Variants in GPHN observed in about 807,000 individuals in gnomAD.
GPHN encodes the protein gephyrin.
Under a neutral mutation model 95.5 loss-of-function variants are expected in GPHN, and 17 were observed. The observed-to-expected ratio is 0.18, with a 90% CI of 0.12 to 0.27. The LOEUF (loss-of-function observed/expected upper bound fraction) is 0.27. GPHN is among the 10% of genes least tolerant of loss of function. The probability of loss-of-function intolerance (pLI) is 1.00; values close to 1 mark genes in which losing one functional copy is unlikely to be tolerated. For synonymous variants in GPHN, 320 were observed against 322.5 expected (o/e 0.99, Z 0.08); for missense variants, 660 against 978.1 (o/e 0.67, Z 4.34).
chr14:67,058,575 G>A, intron 10 of GPHN, 74 bp from the exon 11 acceptor site: 1 of 1,284,352 alleles, frequency 7.8e-7, no homozygotes, highest in Non-Finnish European at 1.1e-6. Flanking sequence ...TGGGAGTTGT[G>A]ATATTATAAG....
At chr14:67,199,933 C>G in the GPHN span, 10 of 1,441,474 alleles carry the variant, frequency 6.9e-6, no homozygotes, top group Non-Finnish European at 9.3e-6. Context: ...TGGACACTCC[C>G]AAGCTCACCC....
intron 1 of GPHN, among the ~76,000 whole-genome samples, chr14:66,671,077 A>C (rs1201451960): frequency 6.6e-6 from 1 of 152,224 alleles, no homozygotes; most frequent in Non-Finnish European, 1.5e-5. Flanking sequence ...TTAGTTGCAC[A>C]TGTTCATCTG....
intron 10 of GPHN, among the ~76,000 whole-genome samples, chr14:67,037,289 T>A (rs1411786212): frequency 6.6e-6 from 1 of 151,856 alleles, no homozygotes; most frequent in Admixed American, 6.6e-5. Context: ...TACCTCAAAA[T>A]GGATTAAAGA....
At chr14:67,473,533 T>C in the GPHN span, 12 of 1,613,858 alleles carry the variant, frequency 7.4e-6, no homozygotes, top group Admixed American at 3.3e-5. The surrounding 1 kb of genome is among the most constrained non-coding windows in gnomAD (Gnocchi z 6.5). Context: ...AACTGCTCCA[T>C]GATGAGGGCC....
chr14:66,774,256 G>C (rs535243825), intron 2 of GPHN, among the ~76,000 whole-genome samples: 8 of 151,226 alleles, frequency 5.3e-5, no homozygotes, highest in Admixed American at 2.6e-4. Flanking sequence ...CCCGCCTCGG[G>C]CTCCCAAAGT....
chr14:67,280,833 TTCC>T, the GPHN span, among the ~76,000 whole-genome samples: 1 of 133,698 alleles, frequency 7.5e-6, no homozygotes, highest in Admixed American at 7.8e-5. Context: ...CCTTCCTTCC[TTCC>T]TTCCTTCCTT....
the GPHN span, among the ~76,000 whole-genome samples, chr14:67,637,165 T>C: frequency 6.6e-6 from 1 of 151,902 alleles, no homozygotes; most frequent in Non-Finnish European, 1.5e-5. Context: ...ATCCTAGCGC[T>C]TTGGGAGGCT....
Position 66,907,146 on chromosome 14 carries a change from A to G in GPHN, c.390-8857A>G, listed in dbSNP as rs79861068. On this transcript the variant is annotated intron_variant, in intron 5 of 22. Transcript: ENST00000478722. ...ACATGCAAATGTTTTTAACAGCCTT[A>G]TTCGTAATTGCCAAAAGTTGGAATC... Among the ~76,000 whole-genome samples, 104 of 152,288 alleles carry G rather than the reference A, an allele frequency of 6.8e-4. 1 individual carries two copies. In the East Asian group the frequency reaches 0.02, roughly 29 times the overall value.
intron 1 of GPHN, among the ~76,000 whole-genome samples, chr14:66,642,729 G>T (rs1208783280): frequency 1.3e-5 from 2 of 151,962 alleles, no homozygotes; most frequent in Non-Finnish European, 2.9e-5. Flanking sequence ...CTGCATATAT[G>T]CTTCTACCTG....
At chr14:66,996,107 C>A in intron 9 of GPHN, 1 of 1,049,692 alleles carries the variant, frequency 9.5e-7, no homozygotes, top group South Asian at 1.3e-5. Flanking sequence ...GCCATCTAAA[C>A]CCTCTGTGAC....
Position 66,630,315 on chromosome 14 carries a change from G to T in GPHN, c.65-50792G>T, listed in dbSNP as rs886485148. Among the ~76,000 whole-genome samples the T allele has an allele frequency of 2.6e-5, 4 of 152,124 alleles. No homozygotes were observed. The South Asian group carries it at 8.3e-4, about 32-fold the overall frequency. On this transcript the variant is annotated intron_variant, in intron 1 of 22. Coordinates refer to ENST00000478722, the MANE Select transcript of GPHN (RefSeq NM_020806.5). ...GAAAGGCAGGTAATGTTGTTGAGAT[G>T]TGTGGGGTCAGATCTATCCTGAAAT...
chr14:66,519,359 T>C (rs1212830191), intron 1 of GPHN, among the ~76,000 whole-genome samples: 1 of 152,066 alleles, frequency 6.6e-6, no homozygotes, highest in Non-Finnish European at 1.5e-5. Context: ...TTGATATATT[T>C]GAATATGTGT....
chr14:67,349,118 G>C, the GPHN span: 1 of 1,612,680 alleles, frequency 6.2e-7, no homozygotes, highest in African/African-American at 1.3e-5. Context: ...CAGAAAAAGA[G>C]AAAGACTTTA....
chr14:67,524,876 C>A, the GPHN span, among the ~76,000 whole-genome samples: 1 of 152,282 alleles, frequency 6.6e-6, no homozygotes, highest in Admixed American at 6.5e-5. Context: ...ATTGCCATAT[C>A]TCTCCCCGGT....
At chr14:67,615,617 G>C in the GPHN span, 2 of 553,384 alleles carry the variant, frequency 3.6e-6, no homozygotes, top group East Asian at 8.4e-5. Context: ...TCTAAGAAGT[G>C]CTTAGTGAGG....
the GPHN span, among the ~76,000 whole-genome samples, chr14:67,443,534 A>G: frequency 6.6e-6 from 1 of 152,094 alleles, no homozygotes; most frequent in Admixed American, 6.5e-5. Context: ...GGAGGGATGC[A>G]TTCCAAAGTA....
rs113893645 is a variant in GPHN, at chr14:66,761,139, T to G, written c.144-15325T>G. 3,293 of 341,582 alleles carry G rather than the reference T, an allele frequency of 9.6e-3. 94 individuals are homozygous for G. Among genetic ancestry groups the G allele is most frequent in the African/African-American group, 0.065 (3,050 of 46,684 alleles). 21.2% of individuals were successfully genotyped at this position (341,582 alleles called of 1,614,324 possible). On this transcript the variant is annotated intron_variant, in intron 2 of 22. Transcript: ENST00000478722. ...TAAATGAAAAGTGATTAATATATCT[T>G]TCCTACATTTCCATCTACAAAACAT...
At chr14:66,742,634 C>A (rs1307102056) in intron 2 of GPHN, among the ~76,000 whole-genome samples, 4 of 152,142 alleles carry the variant, frequency 2.6e-5, no homozygotes, top group African/African-American at 9.7e-5. Context: ...TTGTTAGAGT[C>A]CAAGCCATGC....
intron 17 of GPHN, among the ~76,000 whole-genome samples, chr14:67,129,091 G>A (rs535711431): frequency 6.6e-6 from 1 of 151,784 alleles, no homozygotes; most frequent in African/African-American, 2.4e-5. Flanking sequence ...TGGGATAAAA[G>A]GTGTGAGCCA....
Sources: allele counts gnomAD v4.1 joint callset (sites outside exome capture counted in the v4.1 genomes callset), GRCh38; gene constraint gnomAD v4.1.1; non-coding constraint Gnocchi (gnomAD v3.1); transcripts MANE v1.5; gene names NCBI Gene and HGNC (gene_info 2026-07-23, HGNC 2026-07-21).